TNS1: variants seen among roughly 807,000 people sequenced by gnomAD.
The protein encoded by TNS1 is tensin 1, also known as tensin-1.
A neutral mutation model predicts 168.6 loss-of-function variants in TNS1; 62 were observed. The observed-to-expected ratio is 0.37, with a 90% CI of 0.30 to 0.45. The LOEUF is 0.45. Among genes scored for constraint, TNS1 ranks in the 20% least tolerant of loss-of-function variants. TNS1 has a pLI of 1.00. For missense variants in TNS1, 2,240 were observed against 2,339.4 expected (o/e 0.96, Z 0.88); for synonymous variants, 934 against 933.2 (o/e 1.00, Z -0.02).
At chr2:217,861,180 CA>C (rs1948745550) in intron 18 of TNS1, among the ~76,000 whole-genome samples, 1 of 152,164 alleles carries the variant, frequency 6.6e-6, no homozygotes, top group Non-Finnish European at 1.5e-5. Flanking sequence ...GATTTTAGCT[CA>C]ACATAGGAAA....
intron 18 of TNS1, among the ~76,000 whole-genome samples, chr2:217,868,294 C>T (rs796941369): frequency 5.3e-5 from 8 of 152,346 alleles, no homozygotes; most frequent in African/African-American, 1.9e-4. Flanking sequence ...CCATAGCCTG[C>T]AGCCTGGTGG....
chr2:218,009,146 G>C (rs1292288272), intron 1 of TNS1, among the ~76,000 whole-genome samples: 1 of 152,154 alleles, frequency 6.6e-6, no homozygotes, highest in African/African-American at 2.4e-5. Context: ...TCCCCCTCCC[G>C]TGTGACAGGG....
rs1396882399 is a variant in TNS1 at position 217,803,723 on chromosome 2, T to C, written c.*736A>G. 1 of 152,674 alleles carries C rather than the reference T, an allele frequency of 6.5e-6. No homozygotes were observed. The highest frequency in any genetic ancestry group is 1.9e-4 in the East Asian group (1 of 5,188). 9.5% of individuals were successfully genotyped at this position (152,674 alleles called of 1,614,324 possible). A position where few individuals can be genotyped will look rare whatever the true frequency, so the allele number is the denominator to read the frequency against. On this transcript the variant is annotated 3_prime_UTR_variant, in exon 33 of 33. Transcript: ENST00000682258. Reference sequence around the variant, plus strand: ...CTGTCACCCATAGCTTGGTTGTTTGTCCCTCCCCTGCTGCACTGCCACCAC... The same window carrying C: ...CTGTCACCCATAGCTTGGTTGTTTGCCCCTCCCCTGCTGCACTGCCACCAC...
At chr2:218,008,255 G>A (rs1417495050) in intron 1 of TNS1, among the ~76,000 whole-genome samples, 1 of 152,178 alleles carries the variant, frequency 6.6e-6, no homozygotes, top group African/African-American at 2.4e-5. Flanking sequence ...TTTCCTGCCT[G>A]ACTCAGGCCC....
At chr2:217,823,212 G>A (rs1943143259) in intron 22 of TNS1, among the ~76,000 whole-genome samples, 1 of 152,164 alleles carries the variant, frequency 6.6e-6, no homozygotes, top group Non-Finnish European at 1.5e-5. Flanking sequence ...AATATCTTAG[G>A]CTGTTGGGTC....
At chr2:217,907,401 C>T in intron 4 of TNS1, 150 bp from the exon 5 acceptor site, 2 of 630,354 alleles carry the variant, frequency 3.2e-6, no homozygotes, top group Non-Finnish European at 5.8e-6. Context: ...ATCTGGCTGG[C>T]CCCAAGCACA....
chr2:218,014,354 C>T (rs1357577412), upstream of TNS1, among the ~76,000 whole-genome samples: 1 of 152,144 alleles, frequency 6.6e-6, no homozygotes, highest in Non-Finnish European at 1.5e-5. Flanking sequence ...ACAGAGAGTC[C>T]TCCCATGATT....
chr2:217,967,381 G>A (rs1030386893), intron 3 of TNS1, among the ~76,000 whole-genome samples: 2 of 151,900 alleles, frequency 1.3e-5, no homozygotes, highest in Non-Finnish European at 2.9e-5. Context: ...GCAAAAGTAA[G>A]GAAAAGGTAA....
intron 32 of TNS1, among the ~76,000 whole-genome samples, chr2:217,805,600 C>T: frequency 1.1e-5 from 1 of 89,668 alleles, no homozygotes; most frequent in Non-Finnish European, 2.3e-5. Flanking sequence ...CACCACCACA[C>T]ACCACACACA....
At position 217,948,509 on chromosome 2, in the gene TNS1, T is replaced by C. The variant is rs1362315610; in HGVS notation, c.187-28273A>G. ...GGCCACTCTAGGCATGCAATGTCTA[T>C]GCATTTGAGCTGTACCTTCCCTCTT... On this transcript the variant is annotated intron_variant, in intron 3 of 32. Transcript: ENST00000682258. This position sits in a 1 kb window ranked among gnomAD's most constrained non-coding sequence, Gnocchi z 4.1. 2.0e-5 allele frequency among the ~76,000 whole-genome samples: 3 copies of C among 152,084 alleles called. No individual in the cohort carries two copies. Among genetic ancestry groups the C allele is most frequent in the Admixed American group, 6.5e-5 (1 of 15,280 alleles).
At chr2:217,827,279 T>G (rs913697823) in intron 22 of TNS1, among the ~76,000 whole-genome samples, 1 of 152,196 alleles carries the variant, frequency 6.6e-6, no homozygotes, top group Non-Finnish European at 1.5e-5. Context: ...GCCTGGGACA[T>G]AGCAGACATC....
chr2:217,861,299 G>A (rs1948759032), intron 18 of TNS1, among the ~76,000 whole-genome samples: 1 of 152,138 alleles, frequency 6.6e-6, no homozygotes, highest in Non-Finnish European at 1.5e-5. Flanking sequence ...TACTGAATGA[G>A]ACGTGCCTGC....
intron 28 of TNS1, among the ~76,000 whole-genome samples, chr2:217,811,572 C>CAA (rs1272240327): frequency 6.6e-6 from 1 of 152,154 alleles, no homozygotes; most frequent in Admixed American, 6.5e-5. Context: ...GTTGAACAGA[C>CAA]AGAGTGGGGA....
chr2:217,933,083 C>A (rs1019299769), intron 3 of TNS1, among the ~76,000 whole-genome samples: 3 of 152,300 alleles, frequency 2.0e-5, no homozygotes, highest in Middle Eastern at 3.4e-3. Flanking sequence ...GCAGCAGAGG[C>A]TTGACGCACA....
At chr2:217,884,083 G>T (rs1354212217) in intron 16 of TNS1, among the ~76,000 whole-genome samples, 1 of 128,190 alleles carries the variant, frequency 7.8e-6, no homozygotes, top group African/African-American at 2.9e-5. Flanking sequence ...TATCTATAGG[G>T]TCTAGCACAT....
chr2:217,856,602 G>A (rs888066664), intron 18 of TNS1, among the ~76,000 whole-genome samples: 2 of 152,190 alleles, frequency 1.3e-5, no homozygotes, highest in Non-Finnish European at 2.9e-5. Flanking sequence ...AGGAGACACA[G>A]CCTCTGAAAC....
intron 1 of TNS1, among the ~76,000 whole-genome samples, chr2:217,999,145 T>A (rs904762503): frequency 6.6e-6 from 1 of 152,168 alleles, no homozygotes; most frequent in African/African-American, 2.4e-5. Context: ...TTCTCAGGGC[T>A]TGATTCCCAC....
At chr2:218,002,292 G>A (rs950542862) in intron 1 of TNS1, among the ~76,000 whole-genome samples, 2 of 152,162 alleles carry the variant, frequency 1.3e-5, no homozygotes, top group African/African-American at 4.8e-5. Flanking sequence ...GGGGAGGGCT[G>A]TGGAGGAAGG....
In TNS1 at chr2:217,951,042, A is replaced by G. The variant is rs185636735; in HGVS notation, c.186+27723T>C. ...TCCTGAGGACTTCGGATCCACCCCT[A>G]TAGAAAATAATCATCACCTTGCTCC... On this transcript the variant is annotated intron_variant, in intron 3 of 32. Transcript: ENST00000682258. Among the ~76,000 whole-genome samples the G allele has an allele frequency of 3.1e-3, 476 of 152,262 alleles. 1 individual carries two copies. Among genetic ancestry groups the G allele is most frequent in the Admixed American group, 7.6e-3 (117 of 15,298 alleles).
Sources: gnomAD v4.1 joint callset for allele counts (sites outside exome capture counted in the v4.1 genomes callset) on GRCh38, gnomAD v4.1.1 for gene constraint, Gnocchi (gnomAD v3.1) non-coding constraint, MANE v1.5 for transcripts, NCBI Gene and HGNC (gene_info 2026-07-23, HGNC 2026-07-21) for gene names.